The following UGT1A7 variants were observed in gnomAD, a reference collection of about 807,000 sequenced individuals.
UGT1A7 encodes the protein UDP glucuronosyltransferase family 1 member A7, also known as UDP-glucuronosyltransferase 1A7.
A neutral mutation model predicts 45.6 loss-of-function variants in UGT1A7; 33 were observed. The observed-to-expected ratio is 0.72, with a 90% CI of 0.55 to 0.97. UGT1A7 has a LOEUF of 0.97. Ranked by LOEUF, UGT1A7 falls within the 50% of genes least tolerant of loss-of-function variation. UGT1A7 has a pLI of 0.00. For synonymous variants in UGT1A7, 274 were observed against 250.6 expected (o/e 1.09, Z -0.88); for missense variants, 684 against 666.2 (o/e 1.03, Z -0.29).
intron 1 of UGT1A7, chr2:233,729,551 A>G (rs749535297): frequency 1.9e-6 from 3 of 1,614,038 alleles, no homozygotes; most frequent in Non-Finnish European, 2.5e-6. Flanking sequence ...AGGCACCTGA[A>G]TGCTACTTCC....
At chr2:233,705,174 G>A (rs1273957812) in intron 1 of UGT1A7, among the ~76,000 whole-genome samples, 1 of 151,752 alleles carries the variant, frequency 6.6e-6, no homozygotes, top group African/African-American at 2.4e-5. Flanking sequence ...GAATAAAGGG[G>A]AAGTATGCAT....
chr2:233,702,042 A>T (rs1306276715), intron 1 of UGT1A7, among the ~76,000 whole-genome samples: 3 of 152,222 alleles, frequency 2.0e-5, no homozygotes, highest in South Asian at 2.1e-4. Context: ...CCCTTCAAAA[A>T]ATTAACAATT....
In UGT1A7 at chr2:233,769,728, G is replaced by A. The variant is rs1027354407; in HGVS notation, c.1295+1289G>A. The stretch of plus-strand genomic sequence containing the variant: ...ATGTTGGCTAGGCACCATGGCACAC[G>A]CCTGTAGTCCCAGCCACTCTGGAGG... On this transcript the variant is annotated intron_variant, in intron 4 of 4. Coordinates refer to ENST00000373426, the MANE Select transcript of UGT1A7 (RefSeq NM_019077.3). This position sits in a 1 kb window ranked among gnomAD's most constrained non-coding sequence, Gnocchi z 4.4. The A allele has an allele frequency of 4.6e-5, 67 of 1,472,430 alleles. No homozygotes were observed. The highest frequency in any genetic ancestry group is 5.8e-5 in the Non-Finnish European group (64 of 1,110,636). 91.2% of individuals were successfully genotyped at this position (1,472,430 alleles called of 1,614,324 possible). A position where few individuals can be genotyped will look rare whatever the true frequency, so the allele number is the denominator to read the frequency against.
At chr2:233,744,065 G>A in intron 1 of UGT1A7, 1 of 544,540 alleles carries the variant, frequency 1.8e-6, no homozygotes. Flanking sequence ...CGAGGCCTAT[G>A]AGCGCCTCGC....
In UGT1A7 at chr2:233,682,729, C is replaced by T. The variant is rs781554274; in HGVS notation, c.792C>T (p.Pro264=). The T allele has an allele frequency of 2.5e-5, 41 of 1,613,712 alleles. No individual in the cohort carries two copies. The Admixed American group carries it at 6.3e-4, about 25-fold the overall frequency. The part of the protein sequence containing the change: ...RTDFVLEYPK[P]VMPNMIFIGG... ...ACTTTGTTTTGGAGTATCCCAAACCCGTGATGCCCAATATGATCTTCATTG... is the reference window on the plus strand; with the variant it reads ...ACTTTGTTTTGGAGTATCCCAAACCTGTGATGCCCAATATGATCTTCATTG... Residue 264 remains proline, a synonymous_variant, in exon 1 of 5, where the codon CCC becomes CCT. Transcript: ENST00000373426.
intron 1 of UGT1A7, among the ~76,000 whole-genome samples, chr2:233,754,141 CATTAA>C (rs911730830): frequency 6.6e-6 from 1 of 152,194 alleles, no homozygotes; most frequent in Admixed American, 6.5e-5. Flanking sequence ...TAAAAGCCAT[CATTAA>C]ATTAAGCCAG....
chr2:233,767,283 C>T (rs1575825850), intron 2 of UGT1A7, 118 bp downstream of exon 2: 2 of 1,571,702 alleles, frequency 1.3e-6, no homozygotes, highest in Non-Finnish European at 1.7e-6. Flanking sequence ...TTCCCTGCCA[C>T]TTCCCAACTA....
At chr2:233,695,314 C>T (rs1256525000) in intron 1 of UGT1A7, among the ~76,000 whole-genome samples, 2 of 151,660 alleles carry the variant, frequency 1.3e-5, no homozygotes, top group Non-Finnish European at 2.9e-5. Context: ...TTAGTAGAGG[C>T]GGGGTTTCAC....
At chr2:233,688,060 A>G (rs1015195974) in intron 1 of UGT1A7, among the ~76,000 whole-genome samples, 1 of 152,226 alleles carries the variant, frequency 6.6e-6, no homozygotes, top group Non-Finnish European at 1.5e-5. Flanking sequence ...CACTCCAAAA[A>G]GAAACCCCAT....
intron 1 of UGT1A7, among the ~76,000 whole-genome samples, chr2:233,684,485 G>A (rs1229597052): frequency 1.3e-5 from 2 of 151,942 alleles, no homozygotes; most frequent in Non-Finnish European, 2.9e-5. Context: ...TGGCTCAAAG[G>A]GTCACCCAAA....
In UGT1A7 at chr2:233,743,883, G is replaced by A. The variant is rs373345166; in HGVS notation, c.856-23151G>A. 1.0e-5 allele frequency: 14 copies of A among 1,366,944 alleles called. No individual in the cohort carries two copies. In the East Asian group the frequency reaches 1.4e-4, roughly 13 times the overall value. 84.7% of individuals were successfully genotyped at this position (1,366,944 alleles called of 1,614,324 possible). On this transcript the variant is annotated intron_variant, in intron 1 of 4. Transcript: ENST00000373426. ...TTGATGGCCTCGGATGAGGCCTGCC[G>A]GGGCACGTCCAGCACCTCGTAGTAG...
At chr2:233,748,399 G>C (rs1575689614) in intron 1 of UGT1A7, among the ~76,000 whole-genome samples, 1 of 151,790 alleles carries the variant, frequency 6.6e-6, no homozygotes, top group African/African-American at 2.4e-5. Flanking sequence ...AAGGAGCAGG[G>C]ACACTACATT....
chr2:233,761,565 G>T (rs1015510791), intron 1 of UGT1A7, among the ~76,000 whole-genome samples: 1 of 152,250 alleles, frequency 6.6e-6, no homozygotes, highest in African/African-American at 2.4e-5. Context: ...TCCTGGAAAT[G>T]AAAGTTGCCT....
At chr2:233,760,902 C>T (rs1400244302) in intron 1 of UGT1A7, 7 of 1,613,974 alleles carry the variant, frequency 4.3e-6, no homozygotes, top group Non-Finnish European at 5.9e-6. Context: ...ATCACATGAC[C>T]TTCCTGCAGC....
At chr2:233,768,470 G>T (rs371026350) in intron 4 of UGT1A7, 31 bp downstream of exon 4, 1 of 1,602,728 alleles carries the variant, frequency 6.2e-7, no homozygotes, top group Non-Finnish European at 8.5e-7. Context: ...GAATACTTTG[G>T]TCATGGCATT....
chr2:233,755,084 G>T (rs779610585), intron 1 of UGT1A7: 29 of 1,335,184 alleles, frequency 2.2e-5, no homozygotes, highest in Non-Finnish European at 2.9e-5. Context: ...CATAGATATC[G>T]CGTTTCTACG....
At chr2:233,713,971 G>C (rs1303952104) in intron 1 of UGT1A7, 1 of 1,600,252 alleles carries the variant, frequency 6.2e-7, no homozygotes, top group Non-Finnish European at 8.5e-7. Flanking sequence ...TTTCATTTCT[G>C]CTTCTCATTG....
At chr2:233,745,781 CAG>C (rs757535018) in intron 1 of UGT1A7, among the ~76,000 whole-genome samples, 4 of 150,162 alleles carry the variant, frequency 2.7e-5, no homozygotes, top group Non-Finnish European at 5.9e-5. Flanking sequence ...TGAGCTTAGA[CAG>C]GGGGGCTGGG....
chr2:233,766,580 G>A (rs1699191238), intron 1 of UGT1A7, among the ~76,000 whole-genome samples: 1 of 152,180 alleles, frequency 6.6e-6, no homozygotes, highest in Admixed American at 6.5e-5. Context: ...AGGTCTGGGG[G>A]TGGAGCCCTC....
Sources: allele counts gnomAD v4.1 joint callset (sites outside exome capture counted in the v4.1 genomes callset), GRCh38; gene constraint gnomAD v4.1.1; non-coding constraint Gnocchi (gnomAD v3.1); transcripts MANE v1.5; gene names NCBI Gene and HGNC (gene_info 2026-07-23, HGNC 2026-07-21).